CFHR1: variants seen among roughly 807,000 people sequenced by gnomAD.
The protein encoded by CFHR1 is complement factor H-related protein 1.
A neutral mutation model predicts 30.4 loss-of-function variants in CFHR1; 22 were observed. That is an observed-to-expected ratio of 0.72 (90% CI 0.52 to 1.03). CFHR1 has a LOEUF of 1.03. Among genes scored for constraint, CFHR1 ranks in the 50% least tolerant of loss-of-function variants. The pLI, the probability that CFHR1 is intolerant of heterozygous loss-of-function variation, is 0.00. For synonymous variants in CFHR1, 95 were observed against 129.1 expected, an observed-to-expected ratio of 0.74 and a Z score of 1.79; for missense variants, 248 against 380.6, an observed-to-expected ratio of 0.65 and a Z score of 2.90.
rs1302279611 is a variant in CFHR1 at position 196,831,227 on chromosome 1, C to A, written c.790+545C>A. The stretch of plus-strand genomic sequence containing the variant: ...AATAAAAATATACTTTCATGTTTGA[C>A]AATATGCTGTTTTGATATATTTATG... On this transcript the variant is annotated intron_variant, in intron 5 of 5. Coordinates refer to ENST00000320493, the MANE Select transcript of CFHR1 (RefSeq NM_002113.3). Among the ~76,000 whole-genome samples, 6 of 135,900 alleles carry A rather than the reference C, an allele frequency of 4.4e-5. 2 individuals carry two copies. The highest frequency in any genetic ancestry group is 9.3e-5 in the Non-Finnish European group (6 of 64,464). The allele number at this position is 135,900 out of a possible 152,430, so 89.2% of individuals were successfully genotyped here.
chr1:196,830,405 T>C lies in CFHR1; in HGVS notation c.608-95T>C. 6 of 1,301,186 alleles carry C rather than the reference T, an allele frequency of 4.6e-6. 1 individual carries two copies. The highest frequency in any genetic ancestry group is 6.4e-6 in the Non-Finnish European group (6 of 931,882). 80.6% of individuals were successfully genotyped at this position (1,301,186 alleles called of 1,614,324 possible). On this transcript the variant is annotated intron_variant, in intron 4 of 5. Coordinates refer to ENST00000320493, the MANE Select transcript of CFHR1 (RefSeq NM_002113.3). ...TTACCAGAAATCACAAAACTGTTGATATTATATAAAGTGCTGTGTTTGTAT... is the reference window on the plus strand; with the variant it reads ...TTACCAGAAATCACAAAACTGTTGACATTATATAAAGTGCTGTGTTTGTAT...
intron 2 of CFHR1, 86 bp from the exon 3 acceptor site, chr1:196,826,743 C>A (rs1655338228): frequency 7.9e-7 from 1 of 1,260,676 alleles, no homozygotes; most frequent in Non-Finnish European, 1.1e-6. Context: ...AGCCACTTCA[C>A]CCGGTTTATT....
At position 196,822,346 on chromosome 1, in the gene CFHR1, C is replaced by T. The variant is rs1655148024; in HGVS notation, c.58+2444C>T. ...ACTAAATTTATTTTAAACTTTTCTT[C>T]GATAATAAATTAACCTTAGTTTATG... On this transcript the variant is annotated intron_variant, in intron 1 of 5. Coordinates refer to ENST00000320493, the MANE Select transcript of CFHR1 (RefSeq NM_002113.3). Among the ~76,000 whole-genome samples the T allele has an allele frequency of 2.3e-5, 3 of 131,426 alleles. 1 individual carries two copies. Among genetic ancestry groups the T allele is most frequent in the Non-Finnish European group, 4.7e-5 (3 of 63,434 alleles). The allele number at this position is 131,426 out of a possible 152,430, so 86.2% of individuals were successfully genotyped here. A position where few individuals can be genotyped will look rare whatever the true frequency, so the allele number is the denominator to read the frequency against.
At chr1:196,828,753 T>C (rs1187497119) in intron 4 of CFHR1, among the ~76,000 whole-genome samples, 1 of 131,582 alleles carries the variant, frequency 7.6e-6, no homozygotes, top group African/African-American at 3.3e-5. Context: ...AAGGAAATTG[T>C]ATCTTACTTA....
chr1:196,831,852 G>A lies in CFHR1; in HGVS notation c.846G>A (p.Trp282Ter), dbSNP rs1313879701. 1 of 1,524,988 alleles carries A rather than the reference G, an allele frequency of 6.6e-7. No homozygotes were observed. Among genetic ancestry groups the A allele is most frequent in the Admixed American group, 1.7e-5 (1 of 57,884 alleles). 94.5% of individuals were successfully genotyped at this position (1,524,988 alleles called of 1,614,324 possible). Reference protein sequence around the residue: ...IMENYNIALRWTAKQKLYLRT... With the variant: ...IMENYNIALR ...AAAATTATAACATAGCATTAAGGTG[G>A]ACAGCCAAACAGAAGCTTTATTTGA... The change falls in exon 6 of 6, where the codon TGG (tryptophan) becomes TGA (stop). Residue 282 changes from tryptophan (W) to a stop codon, truncating the protein, a stop_gained. Transcript: ENST00000320493. LOFTEE classifies it low-confidence loss of function (END_TRUNC).
intron 1 of CFHR1, among the ~76,000 whole-genome samples, chr1:196,823,974 A>G (rs1473920267): frequency 7.5e-6 from 1 of 132,536 alleles, no homozygotes; most frequent in Non-Finnish European, 1.6e-5. Flanking sequence ...AAGTCTAATA[A>G]AAAATATGTG....
rs555836499 is a variant in CFHR1, at chr1:196,831,075, T to G, written c.790+393T>G. ...GGAACCCGGGAGGCGGAGCTTGCAG[T>G]GAGCCGAGTTCGCGCCACTGCACTC... On this transcript the variant is annotated intron_variant, in intron 5 of 5. Coordinates refer to ENST00000320493, the MANE Select transcript of CFHR1 (RefSeq NM_002113.3). Among the ~76,000 whole-genome samples the G allele has an allele frequency of 3.0e-4, 41 of 135,396 alleles. 3 individuals are homozygous for G. The highest frequency in any genetic ancestry group is 4.8e-4 in the Non-Finnish European group (31 of 64,282). The allele number at this position is 135,396 out of a possible 152,430, so 88.8% of individuals were successfully genotyped here.
chr1:196,831,667 A>G lies in CFHR1; in HGVS notation c.791-130A>G. The stretch of plus-strand genomic sequence containing the variant: ...ATTTAAATCAATATGATGTTTTTAC[A>G]TAGTCGGTTTGGACAGTGTTTTGAG... On this transcript the variant is annotated intron_variant, in intron 5 of 5. Transcript: ENST00000320493. 10 of 1,220,506 alleles carry G rather than the reference A, an allele frequency of 8.2e-6. 4 individuals are homozygous for G. The South Asian group carries it at 1.4e-4, about 17-fold the overall frequency. The allele number at this position is 1,220,506 out of a possible 1,614,324, so 75.6% of individuals were successfully genotyped here.
intron 1 of CFHR1, among the ~76,000 whole-genome samples, chr1:196,824,980 T>C (rs1285043723): frequency 7.7e-6 from 1 of 129,078 alleles, no homozygotes; most frequent in Non-Finnish European, 1.6e-5. Flanking sequence ...AAAATGATAT[T>C]AATAAACAAA....
At chr1:196,823,091 ATATATATATATG>A (rs1655179026) in intron 1 of CFHR1, among the ~76,000 whole-genome samples, 1 of 120,134 alleles carries the variant, frequency 8.3e-6, no homozygotes, top group East Asian at 2.1e-4. Flanking sequence ...CTGTATATAT[ATATATATATATG>A]TGTGTGTGTG....
chr1:196,824,007 C>CA (rs920051564), intron 1 of CFHR1, among the ~76,000 whole-genome samples: 4 of 94,320 alleles, frequency 4.2e-5, no homozygotes, highest in East Asian at 2.8e-4. Context: ...TATGTGTACA[C>CA]AAAAAAAGAG....
rs1470359925 is a variant in CFHR1 at position 196,826,404 on chromosome 1, T to C, written c.254-425T>C. On this transcript the variant is annotated intron_variant, in intron 2 of 5. Transcript: ENST00000320493. ...CCAAAAATATGTTTCATCATATATA[T>C]AGTAGCATGAGTTAACTTCTTTTGA... Among the ~76,000 whole-genome samples the C allele has an allele frequency of 3.0e-5, 4 of 135,500 alleles. 1 individual carries two copies. Among genetic ancestry groups the C allele is most frequent in the Non-Finnish European group, 6.2e-5 (4 of 64,342 alleles). 88.9% of individuals were successfully genotyped at this position (135,500 alleles called of 152,430 possible). A position where few individuals can be genotyped will look rare whatever the true frequency, so the allele number is the denominator to read the frequency against.
chr1:196,826,052 T>C (rs1217059033), intron 2 of CFHR1: 1 of 169,168 alleles, frequency 5.9e-6, no homozygotes, highest in Non-Finnish European at 1.2e-5. Flanking sequence ...TGAAAGGAGG[T>C]TTAGCATTTT....
Position 196,821,680 on chromosome 1 carries a change from G to T in CFHR1, c.58+1778G>T, listed in dbSNP as rs1252408131. ...TCACTGCAACTTACAGTGTCCTAAA[G>T]AAAAGCAAAATGTAAATAGGCAAAT... On this transcript the variant is annotated intron_variant, in intron 1 of 5. Coordinates refer to ENST00000320493, the MANE Select transcript of CFHR1 (RefSeq NM_002113.3). 4.5e-5 allele frequency among the ~76,000 whole-genome samples: 3 copies of T among 66,260 alleles called. 1 individual carries two copies. Among genetic ancestry groups the T allele is most frequent in the Non-Finnish European group, 8.0e-5 (3 of 37,596 alleles). The allele number at this position is 66,260 out of a possible 152,430, so 43.5% of individuals were successfully genotyped here.
At chr1:196,828,023 A>G (rs778773249) in intron 3 of CFHR1, 47 bp from the exon 4 acceptor site, 2 of 1,470,772 alleles carry the variant, frequency 1.4e-6, no homozygotes, top group Admixed American at 3.6e-5. Flanking sequence ...TTGATTTGCT[A>G]CTCAAAATGA....
intron 4 of CFHR1, among the ~76,000 whole-genome samples, chr1:196,829,307 A>T (rs1260153344): frequency 2.2e-5 from 3 of 135,124 alleles, no homozygotes; most frequent in African/African-American, 9.5e-5. Context: ...TGCATTGAGC[A>T]CCATATTAAA....
rs773928939 is a variant in CFHR1 at position 196,825,699 on chromosome 1, G to T, written c.253+28G>T. On this transcript the variant is annotated intron_variant, in intron 2 of 5. Transcript: ENST00000320493. ...GAGTAAATGCTCTGTTCATTAAATGGATGTCATTCAGTGAATAGAGAAGGA... is the reference window on the plus strand; with the variant it reads ...GAGTAAATGCTCTGTTCATTAAATGTATGTCATTCAGTGAATAGAGAAGGA... 9.4e-6 allele frequency: 14 copies of T among 1,487,332 alleles called. 2 individuals are homozygous for T. Among genetic ancestry groups the T allele is most frequent in the Non-Finnish European group, 1.1e-5 (12 of 1,096,898 alleles). The allele number at this position is 1,487,332 out of a possible 1,614,324, so 92.1% of individuals were successfully genotyped here.
At position 196,824,260 on chromosome 1, in the gene CFHR1, T is replaced by A. The variant is rs761072580; in HGVS notation, c.59-1217T>A. On this transcript the variant is annotated intron_variant, in intron 1 of 5. Coordinates refer to ENST00000320493, the MANE Select transcript of CFHR1 (RefSeq NM_002113.3). ...CTCCCATACAATTTATTTTATTTTA[T>A]TTTAATTTTTTTTGAGGTGGAGTCT... Among the ~76,000 whole-genome samples the A allele has an allele frequency of 5.6e-5, 5 of 88,532 alleles. 1 individual carries two copies. Among genetic ancestry groups the A allele is most frequent in the African/African-American group, 1.3e-4 (2 of 15,382 alleles). The allele number at this position is 88,532 out of a possible 152,430, so 58.1% of individuals were successfully genotyped here. A position where few individuals can be genotyped will look rare whatever the true frequency, so the allele number is the denominator to read the frequency against.
chr1:196,823,783 C>T (rs1411251003), intron 1 of CFHR1, among the ~76,000 whole-genome samples: 1 of 134,432 alleles, frequency 7.4e-6, no homozygotes, highest in African/African-American at 3.2e-5. Flanking sequence ...AAAGATAAAG[C>T]ATATCAAACC....
Sources: allele counts gnomAD v4.1 joint callset (sites outside exome capture counted in the v4.1 genomes callset), GRCh38; gene constraint gnomAD v4.1.1; transcripts MANE v1.5; gene names NCBI Gene and HGNC (gene_info 2026-07-23, HGNC 2026-07-21).